Variants in EDIL3 observed in about 807,000 individuals in gnomAD.
EDIL3 encodes EGF like and discoidin domains 3, also known as EGF-like repeat and discoidin I-like domain-containing protein 3.
Under a neutral mutation model 67.4 loss-of-function variants are expected in EDIL3, and 37 were observed. The ratio of observed to expected loss-of-function variants is 0.55; its 90% CI spans 0.42 to 0.72. The LOEUF is 0.72. Among genes scored for constraint, EDIL3 ranks in the 30% least tolerant of loss-of-function variants. The pLI is 0.00. For synonymous variants in EDIL3, 195 were observed against 196.3 expected (o/e 0.99, Z 0.05); for missense variants, 527 against 586.3 (o/e 0.90, Z 1.04).
chr5:83,962,295 C>T (rs1208207146), intron 10 of EDIL3, among the ~76,000 whole-genome samples: 3 of 151,406 alleles, frequency 2.0e-5, no homozygotes, highest in Non-Finnish European at 4.4e-5. Flanking sequence ...TTATATTCTC[C>T]TCCAAATCCT....
chr5:84,207,688 C>A (rs1324880016), intron 3 of EDIL3, among the ~76,000 whole-genome samples: 1 of 151,700 alleles, frequency 6.6e-6, no homozygotes, highest in Non-Finnish European at 1.5e-5. Context: ...GGTACTGGTA[C>A]CAAAACAGAG....
intron 9 of EDIL3, among the ~76,000 whole-genome samples, chr5:84,032,177 A>G (rs1200820749): frequency 1.3e-5 from 2 of 152,244 alleles, no homozygotes; most frequent in Non-Finnish European, 2.9e-5. Context: ...ATTCTCTTCC[A>G]TATTGAACAT....
At chr5:84,378,091 T>C (rs947785176) in intron 1 of EDIL3, among the ~76,000 whole-genome samples, 4 of 152,238 alleles carry the variant, frequency 2.6e-5, no homozygotes, top group Admixed American at 6.5e-5. Context: ...TCTAAAACTT[T>C]ATTACCTTAG....
intron 3 of EDIL3, among the ~76,000 whole-genome samples, chr5:84,184,526 T>C (rs530851687): frequency 6.6e-6 from 1 of 152,300 alleles, no homozygotes; most frequent in African/African-American, 2.4e-5. Flanking sequence ...TGCTGGAGCA[T>C]CTAGCTCTAT....
intron 4 of EDIL3, among the ~76,000 whole-genome samples, chr5:84,155,454 T>G (rs1370674471): frequency 6.6e-6 from 1 of 152,212 alleles, no homozygotes; most frequent in African/African-American, 2.4e-5. Context: ...TCATTCATTG[T>G]GTTGGTATGC....
At chr5:84,249,373 A>ATCTT (rs964570703) in intron 2 of EDIL3, among the ~76,000 whole-genome samples, 1 of 138,052 alleles carries the variant, frequency 7.2e-6, no homozygotes, top group African/African-American at 2.8e-5. Flanking sequence ...ATAACAACAT[A>ATCTT]TCTTTCTATC....
intron 1 of EDIL3, among the ~76,000 whole-genome samples, chr5:84,259,557 A>G (rs540761473): frequency 4.7e-4 from 72 of 152,178 alleles, no homozygotes; most frequent in South Asian, 8.3e-4. Context: ...CTTTTTGGCA[A>G]CAGAATAAAG....
chr5:84,002,113 A>C (rs1031743249), intron 9 of EDIL3, among the ~76,000 whole-genome samples: 1 of 152,210 alleles, frequency 6.6e-6, no homozygotes, highest in Admixed American at 6.5e-5. Context: ...CAAGAATGCA[A>C]GGATGGTTTA....
intron 2 of EDIL3, among the ~76,000 whole-genome samples, chr5:84,244,274 T>C (rs965117289): frequency 2.6e-5 from 4 of 152,092 alleles, no homozygotes; most frequent in Admixed American, 1.3e-4. Flanking sequence ...AAAACACTTA[T>C]GTATTTATTT....
chr5:84,141,727 A>G (rs1748192420), intron 4 of EDIL3, among the ~76,000 whole-genome samples: 1 of 148,924 alleles, frequency 6.7e-6, no homozygotes, highest in African/African-American at 2.4e-5. Flanking sequence ...AATTACACAG[A>G]TTCATTGATT....
At chr5:84,186,971 G>A (rs1743468890) in intron 3 of EDIL3, among the ~76,000 whole-genome samples, 1 of 151,976 alleles carries the variant, frequency 6.6e-6, no homozygotes, top group African/African-American at 2.4e-5. Flanking sequence ...CTTGTGTTCT[G>A]ATTAGTATTC....
intron 1 of EDIL3, among the ~76,000 whole-genome samples, chr5:84,327,275 T>G (rs1450131892): frequency 6.6e-6 from 1 of 151,994 alleles, no homozygotes; most frequent in Admixed American, 6.6e-5. Flanking sequence ...CATGCCTTTT[T>G]AATTGTTCCT....
intron 5 of EDIL3, among the ~76,000 whole-genome samples, chr5:84,108,836 A>G (rs1166688368): frequency 6.6e-6 from 1 of 152,198 alleles, no homozygotes; most frequent in Non-Finnish European, 1.5e-5. Context: ...TAGGCCAGTA[A>G]GTAGACTAGC....
intron 1 of EDIL3, among the ~76,000 whole-genome samples, chr5:84,352,803 G>A (rs367549415): frequency 6.6e-6 from 1 of 151,820 alleles, no homozygotes; most frequent in Non-Finnish European, 1.5e-5. Flanking sequence ...TAAAAAATGT[G>A]ATTTCAAAAA....
At chr5:84,160,441 TG>T (rs1253106311) in intron 4 of EDIL3, among the ~76,000 whole-genome samples, 2 of 152,172 alleles carry the variant, frequency 1.3e-5, no homozygotes, top group African/African-American at 4.8e-5. Context: ...GAATAATGAA[TG>T]GTTGATAGAA....
chr5:84,073,543 A>C (rs1289793245), intron 6 of EDIL3, among the ~76,000 whole-genome samples: 1 of 152,112 alleles, frequency 6.6e-6, no homozygotes, highest in Non-Finnish European at 1.5e-5. Flanking sequence ...AGCATTCTTA[A>C]ACACCAACAA....
At chr5:84,033,352 T>A (rs1420871867) in intron 9 of EDIL3, among the ~76,000 whole-genome samples, 1 of 152,160 alleles carries the variant, frequency 6.6e-6, no homozygotes, top group Non-Finnish European at 1.5e-5. Flanking sequence ...ATACTTAAAT[T>A]TTTTTTCTAA....
Position 83,941,847 on chromosome 5 carries a change from C to G in EDIL3, c.*1572G>C, listed in dbSNP as rs778967198. ...AAAATGCCAATACAATTGACTTTCT[C>G]TTTAAATTCTTCACTATGATTGAAG... On this transcript the variant is annotated 3_prime_UTR_variant, in exon 11 of 11. Coordinates refer to ENST00000296591, the MANE Select transcript of EDIL3 (RefSeq NM_005711.5). 9.9e-5 allele frequency: 15 copies of G among 151,942 alleles called. No homozygotes were observed. Among genetic ancestry groups the G allele is most frequent in the Non-Finnish European group, 1.9e-4 (13 of 67,912 alleles). The allele number at this position is 151,942 out of a possible 1,614,324, so 9.4% of individuals were successfully genotyped here.
At chr5:84,173,488 C>T (rs188772462) in intron 4 of EDIL3, among the ~76,000 whole-genome samples, 174 of 152,232 alleles carry the variant, frequency 1.1e-3, no homozygotes, top group African/African-American at 4.1e-3. Flanking sequence ...CCCCCTCTCC[C>T]GCCCCCTGGA....
Sources: gnomAD v4.1 joint callset for allele counts (sites outside exome capture counted in the v4.1 genomes callset) on GRCh38, gnomAD v4.1.1 for gene constraint, MANE v1.5 for transcripts, NCBI Gene and HGNC (gene_info 2026-07-23, HGNC 2026-07-21) for gene names.